The following LINGO2 variants were observed in gnomAD, a reference collection of about 807,000 sequenced individuals.
The protein encoded by LINGO2 is leucine rich repeat and Ig domain containing 2.
In LINGO2, 14 loss-of-function variants were observed where a neutral mutation model predicts 30.6. That is an observed-to-expected ratio of 0.46 (90% CI 0.30 to 0.72). LINGO2 has a LOEUF of 0.72. LINGO2 is among the 30% of genes least tolerant of loss of function. LINGO2 has a pLI of 0.07. For missense variants in LINGO2, 729 were observed against 751.7 expected (o/e 0.97, Z 0.35); for synonymous variants, 317 against 288.5 (o/e 1.10, Z -1.00).
chr9:28,251,782 A>C (rs1249263355), intron 4 of LINGO2, among the ~76,000 whole-genome samples: 3 of 152,258 alleles, frequency 2.0e-5, no homozygotes, highest in Non-Finnish European at 4.4e-5. Flanking sequence ...GAGTGAAAAA[A>C]AACTATTACA....
chr9:28,814,749 A>G, the LINGO2 span, among the ~76,000 whole-genome samples: 472 of 152,180 alleles, frequency 3.1e-3, 1 homozygote, highest in Non-Finnish European at 5.1e-3. Context: ...TTAGCCGGGC[A>G]TGGTGGCAGG....
At chr9:29,008,132 T>A in the LINGO2 span, among the ~76,000 whole-genome samples, 117 of 152,210 alleles carry the variant, frequency 7.7e-4, no homozygotes, top group South Asian at 2.9e-3. Context: ...TGTGTCCAAG[T>A]GTTCTCATTG....
At position 28,384,527 on chromosome 9, in the gene LINGO2, C is replaced by T. The variant is rs150712770; in HGVS notation, c.-278-11659G>A. Among the ~76,000 whole-genome samples, 511 of 151,364 alleles carry T rather than the reference C, an allele frequency of 3.4e-3. 3 individuals are homozygous for T. The highest frequency in any genetic ancestry group is 0.012 in the African/African-American group (496 of 41,328). ...ATACCTTTCAGTAATAATTGTCTACCCTTTTTCCCACTATTTTTAAAACAA... is the reference window on the plus strand; with the variant it reads ...ATACCTTTCAGTAATAATTGTCTACTCTTTTTCCCACTATTTTTAAAACAA... On this transcript the variant is annotated intron_variant, in intron 2 of 5. Coordinates refer to ENST00000379992, the Ensembl canonical transcript of LINGO2.
At chr9:28,826,338 C>T in the LINGO2 span, among the ~76,000 whole-genome samples, 2 of 152,240 alleles carry the variant, frequency 1.3e-5, no homozygotes, top group East Asian at 3.9e-4. Flanking sequence ...ATATCTCTTA[C>T]TCTACACAGA....
chr9:28,684,499 T>C, the LINGO2 span, among the ~76,000 whole-genome samples: 12 of 150,256 alleles, frequency 8.0e-5, no homozygotes, highest in East Asian at 2.0e-4. Context: ...TTTTTTTTTT[T>C]TTTCTTTTTT....
chr9:28,062,064 C>G (rs1049764105), intron 4 of LINGO2, among the ~76,000 whole-genome samples: 22 of 152,006 alleles, frequency 1.4e-4, no homozygotes, highest in African/African-American at 4.8e-4. Context: ...GTCTAAACTT[C>G]CAGAGGGACA....
At chr9:28,972,181 C>T in the LINGO2 span, among the ~76,000 whole-genome samples, 1 of 152,190 alleles carries the variant, frequency 6.6e-6, no homozygotes. Context: ...AGGACAGGTA[C>T]AAACAAACCC....
rs751482432 is a variant in LINGO2, at chr9:28,621,432, A to T, written c.-365+48768T>A. Among the ~76,000 whole-genome samples, 32 of 151,870 alleles carry T rather than the reference A, an allele frequency of 2.1e-4. 1 individual carries two copies. The highest frequency in any genetic ancestry group is 4.3e-4 in the Non-Finnish European group (29 of 67,930). On this transcript the variant is annotated intron_variant, in intron 1 of 5. Transcript: ENST00000379992. Reference sequence around the variant, plus strand: ...ACAGCTCCACAGAACTTTTTCTCCAAGTGTGTCACCGAGAAATAGTCCTGA... The same window carrying T: ...ACAGCTCCACAGAACTTTTTCTCCATGTGTGTCACCGAGAAATAGTCCTGA...
At chr9:28,429,239 C>T (rs1823543472) in intron 2 of LINGO2, among the ~76,000 whole-genome samples, 1 of 152,160 alleles carries the variant, frequency 6.6e-6, no homozygotes, top group Admixed American at 6.5e-5. Context: ...TGCAAAGACA[C>T]TGTGCATTAA....
At chr9:29,120,318 T>A in the LINGO2 span, among the ~76,000 whole-genome samples, 2 of 152,114 alleles carry the variant, frequency 1.3e-5, no homozygotes, top group Non-Finnish European at 2.9e-5. Flanking sequence ...ATAAAACCCT[T>A]AGTAATCATG....
the LINGO2 span, among the ~76,000 whole-genome samples, chr9:28,728,159 C>T: frequency 6.6e-6 from 1 of 152,094 alleles, no homozygotes; most frequent in Non-Finnish European, 1.5e-5. Context: ...TACCTTACCT[C>T]TACTCTCACT....
At chr9:28,519,792 G>C (rs1350587749) in intron 1 of LINGO2, among the ~76,000 whole-genome samples, 1 of 152,086 alleles carries the variant, frequency 6.6e-6, no homozygotes, top group Non-Finnish European at 1.5e-5. Context: ...ATTTCGATGA[G>C]GTGAAATTTA....
chr9:29,103,060 C>T, the LINGO2 span, among the ~76,000 whole-genome samples: 2 of 151,986 alleles, frequency 1.3e-5, no homozygotes, highest in African/African-American at 4.8e-5. Flanking sequence ...GTAAGGGAAA[C>T]AGAAATGAAT....
At chr9:28,895,340 C>G in the LINGO2 span, among the ~76,000 whole-genome samples, 2 of 152,124 alleles carry the variant, frequency 1.3e-5, no homozygotes, top group African/African-American at 4.8e-5. Flanking sequence ...AGAGCGTTGT[C>G]ACACTTGCAT....
At chr9:28,574,813 TAAGGCA>T (rs907838857) in intron 1 of LINGO2, among the ~76,000 whole-genome samples, 6 of 152,164 alleles carry the variant, frequency 3.9e-5, no homozygotes, top group Non-Finnish European at 8.8e-5. Flanking sequence ...TTGAGGGACA[TAAGGCA>T]ATTCACTCAA....
chr9:28,286,833 G>A (rs1201626580), intron 4 of LINGO2, among the ~76,000 whole-genome samples: 1 of 152,136 alleles, frequency 6.6e-6, no homozygotes, highest in Non-Finnish European at 1.5e-5. Context: ...GGAGGAGGGA[G>A]AGGATCAGGA....
chr9:28,216,395 AAAAGGTGCTATC>A (rs1820768012), intron 4 of LINGO2, among the ~76,000 whole-genome samples: 1 of 151,922 alleles, frequency 6.6e-6, no homozygotes, highest in Non-Finnish European at 1.5e-5. Flanking sequence ...GTTGTTAGTA[AAAAGGTGCTATC>A]AAATAGTTAA....
At chr9:28,297,986 C>G (rs1253800686) in intron 3 of LINGO2, among the ~76,000 whole-genome samples, 1 of 152,100 alleles carries the variant, frequency 6.6e-6, no homozygotes. Context: ...TTTGTTTTCT[C>G]TAAAAGGAGA....
the LINGO2 span, among the ~76,000 whole-genome samples, chr9:29,192,872 T>C: frequency 6.6e-6 from 1 of 152,296 alleles, no homozygotes; most frequent in African/African-American, 2.4e-5. Context: ...AAGTAGGGAC[T>C]GAAACCCAGT....
Sources: gnomAD v4.1 joint callset for allele counts (sites outside exome capture counted in the v4.1 genomes callset) on GRCh38, gnomAD v4.1.1 for gene constraint, MANE v1.5 for transcripts, NCBI Gene and HGNC (gene_info 2026-07-23, HGNC 2026-07-21) for gene names.